Variants in RIMS2 observed in about 807,000 individuals in gnomAD.
The protein encoded by RIMS2 is regulating synaptic membrane exocytosis protein 2.
A neutral mutation model predicts 174.4 loss-of-function variants in RIMS2; 59 were observed. That is an observed-to-expected ratio of 0.34 (90% CI 0.27 to 0.42). The LOEUF is 0.42. RIMS2 is among the 10% of genes least tolerant of loss of function. The pLI is 1.00. For synonymous variants in RIMS2, 606 were observed against 572.5 expected (o/e 1.06, Z -0.84); for missense variants, 1,620 against 1,666.3 (o/e 0.97, Z 0.48).
intron 1 of RIMS2, among the ~76,000 whole-genome samples, chr8:103,643,977 A>C (rs929575476): frequency 6.6e-6 from 1 of 152,064 alleles, no homozygotes; most frequent in African/African-American, 2.4e-5. Flanking sequence ...CCTTGAGAGA[A>C]GACCTTGTTA....
chr8:103,699,649 T>C (rs1206368603), intron 2 of RIMS2, among the ~76,000 whole-genome samples: 1 of 152,152 alleles, frequency 6.6e-6, no homozygotes, highest in East Asian at 1.9e-4. Flanking sequence ...ATTTTATCTT[T>C]TTTACTTTCT....
At chr8:103,779,367 TCA>T (rs2098358389) in intron 3 of RIMS2, among the ~76,000 whole-genome samples, 1 of 152,166 alleles carries the variant, frequency 6.6e-6, no homozygotes, top group Non-Finnish European at 1.5e-5. Context: ...TCTAGTAATT[TCA>T]CAGTTTTGGG....
intron 19 of RIMS2, among the ~76,000 whole-genome samples, chr8:104,038,847 G>C (rs2154557329): frequency 6.6e-6 from 1 of 151,830 alleles, no homozygotes; most frequent in African/African-American, 2.4e-5. Flanking sequence ...GTTATATATT[G>C]AGATTTTATG....
rs183174620 is a variant in RIMS2, at chr8:103,585,046, A to G, written c.176+83984A>G. Among the ~76,000 whole-genome samples, 5 of 152,346 alleles carry G rather than the reference A, an allele frequency of 3.3e-5. No individual in the cohort carries two copies. The East Asian group carries it at 9.6e-4, about 29-fold the overall frequency. ...ATAAAGGGATGGAAAAAGATATTCC[A>G]TGTCAATGGAAACTATAAAAGAGCA... On this transcript the variant is annotated intron_variant, in intron 1 of 23. Transcript: ENST00000504942.
intron 16 of RIMS2, among the ~76,000 whole-genome samples, chr8:103,980,925 G>C (rs200621639): frequency 2.6e-5 from 4 of 152,232 alleles, no homozygotes; most frequent in Non-Finnish European, 4.4e-5. Context: ...AGAACATCAG[G>C]CAAATTTCTA....
Position 103,652,229 on chromosome 8 carries a change from A to G in RIMS2, c.177-44857A>G, listed in dbSNP as rs371689552. 53 of 1,348,410 alleles carry G rather than the reference A, an allele frequency of 3.9e-5. No homozygotes were observed. In the African/African-American group the frequency reaches 7.4e-4, roughly 19 times the overall value. 83.5% of individuals were successfully genotyped at this position (1,348,410 alleles called of 1,614,324 possible). ...GGGTCAAAGAAGAACACAAACCACA[A>G]CTGACACAGTAAGTAAATGTATTAA... On this transcript the variant is annotated intron_variant, in intron 1 of 23. Transcript: ENST00000504942.
chr8:103,600,226 C>A (rs1400846843), intron 1 of RIMS2, among the ~76,000 whole-genome samples: 3 of 151,456 alleles, frequency 2.0e-5, no homozygotes, highest in Non-Finnish European at 4.4e-5. Context: ...CTTTTAGTGG[C>A]TGAGTAGTAC....
intron 1 of RIMS2, among the ~76,000 whole-genome samples, chr8:103,570,847 A>T (rs2092753092): frequency 6.6e-6 from 1 of 152,156 alleles, no homozygotes; most frequent in Non-Finnish European, 1.5e-5. Flanking sequence ...CAATATTTCC[A>T]GATAAAGTTT....
chr8:103,790,003 C>T (rs60165474), intron 3 of RIMS2, among the ~76,000 whole-genome samples: 1 of 152,162 alleles, frequency 6.6e-6, no homozygotes. Flanking sequence ...CTCAAGTGAT[C>T]CTCCTGCCTT....
chr8:104,195,707 G>A (rs988150990), intron 19 of RIMS2, among the ~76,000 whole-genome samples: 3 of 151,978 alleles, frequency 2.0e-5, no homozygotes, highest in African/African-American at 7.3e-5. Context: ...TAGAGATGGG[G>A]ATTCACTGTA....
At position 103,933,601 on chromosome 8, in the gene RIMS2, C is replaced by T. The variant is rs191400592; in HGVS notation, c.2375+2208C>T. Among the ~76,000 whole-genome samples, 509 of 152,178 alleles carry T rather than the reference C, an allele frequency of 3.3e-3. 2 individuals carry two copies. Among genetic ancestry groups the T allele is most frequent in the African/African-American group, 0.012 (483 of 41,522 alleles). On this transcript the variant is annotated intron_variant, in intron 12 of 23. Transcript: ENST00000504942. Reference sequence around the variant, plus strand: ...ACACCAAGGAATGTGAGAGGCATTTCAGTGTTTCCTTCTCAGATTATTTCT... The same window carrying T: ...ACACCAAGGAATGTGAGAGGCATTTTAGTGTTTCCTTCTCAGATTATTTCT...
chr8:103,714,574 G>A (rs1521059), intron 2 of RIMS2, among the ~76,000 whole-genome samples: 19,056 of 152,036 alleles, frequency 0.13, 1,293 homozygotes, highest in Middle Eastern at 0.22. Context: ...GGATTCTGAG[G>A]GGAAATTAAC....
intron 19 of RIMS2, among the ~76,000 whole-genome samples, chr8:104,060,846 G>A (rs1368926269): frequency 6.6e-6 from 1 of 152,086 alleles, no homozygotes; most frequent in East Asian, 1.9e-4. Flanking sequence ...TCATTCAGGA[G>A]CAGGTTGTTC....
chr8:103,793,660 A>G (rs1262950991), intron 3 of RIMS2, among the ~76,000 whole-genome samples: 3 of 152,348 alleles, frequency 2.0e-5, no homozygotes, highest in South Asian at 2.1e-4. Flanking sequence ...TGCAGATGAC[A>G]TGATTGTATA....
At chr8:104,101,845 A>G (rs1297099435) in intron 19 of RIMS2, among the ~76,000 whole-genome samples, 1 of 152,140 alleles carries the variant, frequency 6.6e-6, no homozygotes, top group Non-Finnish European at 1.5e-5. Context: ...TTTATTTAGA[A>G]TTTGATCTCA....
chr8:103,875,430 A>G (rs899387027), intron 3 of RIMS2, among the ~76,000 whole-genome samples: 10 of 151,984 alleles, frequency 6.6e-5, no homozygotes, highest in Non-Finnish European at 1.3e-4. Flanking sequence ...AGTTGCTGCA[A>G]AAGAGATGAT....
intron 3 of RIMS2, among the ~76,000 whole-genome samples, chr8:103,884,080 A>G (rs1225304687): frequency 6.6e-6 from 1 of 151,872 alleles, no homozygotes; most frequent in Non-Finnish European, 1.5e-5. Context: ...TTCGTTAGTG[A>G]ACCTAATTGG....
At chr8:103,771,217 A>C (rs1386521230) in intron 3 of RIMS2, among the ~76,000 whole-genome samples, 1 of 152,200 alleles carries the variant, frequency 6.6e-6, no homozygotes, top group Non-Finnish European at 1.5e-5. Flanking sequence ...TTCTTTATCA[A>C]CTTAGATGCA....
intron 3 of RIMS2, among the ~76,000 whole-genome samples, chr8:103,807,567 A>G (rs1211785365): frequency 1.3e-5 from 2 of 152,164 alleles, no homozygotes; most frequent in African/African-American, 4.8e-5. Context: ...AAATTCTGTT[A>G]AGATAGGAAA....
Sources: allele counts gnomAD v4.1 joint callset (sites outside exome capture counted in the v4.1 genomes callset), GRCh38; gene constraint gnomAD v4.1.1; transcripts MANE v1.5; gene names NCBI Gene and HGNC (gene_info 2026-07-23, HGNC 2026-07-21).